The following TMEM132D variants were observed in gnomAD, a reference collection of about 807,000 sequenced individuals.
TMEM132D encodes the protein transmembrane protein 132D, also known as mature OL transmembrane protein.
Under a neutral mutation model 62.3 loss-of-function variants are expected in TMEM132D, and 21 were observed. The ratio of observed to expected loss-of-function variants is 0.34; its 90% CI spans 0.24 to 0.49. The LOEUF is 0.49. Among genes scored for constraint, TMEM132D ranks in the 20% least tolerant of loss-of-function variants. TMEM132D has a pLI of 0.99. For synonymous variants in TMEM132D, 621 were observed against 575.6 expected (o/e 1.08, Z -1.13); for missense variants, 1,346 against 1,402.8 (o/e 0.96, Z 0.65).
intron 3 of TMEM132D, among the ~76,000 whole-genome samples, chr12:129,469,227 C>T (rs148272047): frequency 2.0e-5 from 3 of 152,288 alleles, no homozygotes; most frequent in East Asian, 3.9e-4. Context: ...TTACTCACTC[C>T]TCGAATCAAG....
rs184919825 is a variant in TMEM132D at position 129,398,599 on chromosome 12, T to C, written c.1116-60782A>G. On this transcript the variant is annotated intron_variant, in intron 3 of 8. Coordinates refer to ENST00000422113, the MANE Select transcript of TMEM132D (RefSeq NM_133448.3). The stretch of plus-strand genomic sequence containing the variant: ...AAAGGAGGAGGGGGTTGGCTATGCA[T>C]GATGAGGATCACATCTTCACCTTAG... Among the ~76,000 whole-genome samples the C allele has an allele frequency of 2.0e-5, 3 of 152,200 alleles. 1 individual carries two copies. The highest frequency in any genetic ancestry group is 1.3e-4 in the Admixed American group (2 of 15,282).
chr12:129,092,911 C>T (rs1167098311), intron 5 of TMEM132D, among the ~76,000 whole-genome samples: 1 of 152,136 alleles, frequency 6.6e-6, no homozygotes, highest in Non-Finnish European at 1.5e-5. Flanking sequence ...CCACACTGGG[C>T]TAATCAGAGA....
chr12:129,170,255 C>T (rs964707773), intron 5 of TMEM132D: 7 of 152,278 alleles, frequency 4.6e-5, no homozygotes, highest in African/African-American at 1.4e-4. Context: ...AGCAAAGGTC[C>T]TTGGAGCAGA....
chr12:129,789,141 C>T (rs1871326895), intron 1 of TMEM132D, among the ~76,000 whole-genome samples: 1 of 152,110 alleles, frequency 6.6e-6, no homozygotes, highest in South Asian at 2.1e-4. Flanking sequence ...GCGGTGATTT[C>T]TGAGATTTGG....
chr12:129,372,288 C>G (rs1242175852), intron 3 of TMEM132D, among the ~76,000 whole-genome samples: 2 of 152,332 alleles, frequency 1.3e-5, no homozygotes, highest in Admixed American at 1.3e-4. Context: ...CAGGGGTCCC[C>G]AGTCTGTGCA....
At chr12:129,286,809 A>G (rs1881310636) in intron 4 of TMEM132D, among the ~76,000 whole-genome samples, 1 of 152,182 alleles carries the variant, frequency 6.6e-6, no homozygotes, top group Admixed American at 6.5e-5. Context: ...GCATGTCGGG[A>G]GGCCAAGGCA....
chr12:129,902,153 A>T (rs2137403837), intron 1 of TMEM132D, among the ~76,000 whole-genome samples: 1 of 152,310 alleles, frequency 6.6e-6, no homozygotes, highest in Non-Finnish European at 1.5e-5. Flanking sequence ...TTCATCTATT[A>T]TCAGATCCAA....
chr12:129,537,663 C>G (rs1876436298), intron 2 of TMEM132D, among the ~76,000 whole-genome samples: 1 of 152,156 alleles, frequency 6.6e-6, no homozygotes, highest in South Asian at 2.1e-4. Context: ...AACTGTGAGG[C>G]ATTACAAGGG....
chr12:129,370,402 C>T (rs1870555979), intron 3 of TMEM132D, among the ~76,000 whole-genome samples: 1 of 152,224 alleles, frequency 6.6e-6, no homozygotes, highest in Non-Finnish European at 1.5e-5. Flanking sequence ...TGCTCCTTCA[C>T]TCTATAGTGG....
At chr12:129,437,846 C>T (rs1378102742) in intron 3 of TMEM132D, among the ~76,000 whole-genome samples, 6 of 151,482 alleles carry the variant, frequency 4.0e-5, no homozygotes, top group East Asian at 2.0e-4. Context: ...CCCATCAACC[C>T]GTCATCTACA....
intron 4 of TMEM132D, among the ~76,000 whole-genome samples, chr12:129,289,298 C>T (rs962601114): frequency 1.3e-5 from 2 of 152,074 alleles, no homozygotes; most frequent in African/African-American, 2.4e-5. Context: ...AATCCCAGCA[C>T]TTTGGGAGGC....
At chr12:129,418,340 A>G (rs947379943) in intron 3 of TMEM132D, among the ~76,000 whole-genome samples, 4 of 152,250 alleles carry the variant, frequency 2.6e-5, no homozygotes, top group African/African-American at 7.2e-5. Flanking sequence ...GACTGGATAA[A>G]AAAAAGTGAC....
chr12:129,338,976 G>C (rs1286697349), intron 3 of TMEM132D, among the ~76,000 whole-genome samples: 3 of 152,044 alleles, frequency 2.0e-5, no homozygotes, highest in Non-Finnish European at 4.4e-5. Flanking sequence ...GACAGACAGA[G>C]AGAGAGAAAG....
intron 1 of TMEM132D, among the ~76,000 whole-genome samples, chr12:129,889,435 TGAA>T (rs1345492463): frequency 2.8e-4 from 43 of 152,218 alleles, no homozygotes; most frequent in African/African-American, 1.0e-3. Flanking sequence ...GGACTCTGAG[TGAA>T]CAACAAATGA....
intron 3 of TMEM132D, among the ~76,000 whole-genome samples, chr12:129,468,565 ATTT>A (rs5801856): frequency 6.6e-6 from 1 of 151,924 alleles, no homozygotes; most frequent in Non-Finnish European, 1.5e-5. Flanking sequence ...AGTCAATAAG[ATTT>A]TTTTTTTTGT....
intron 1 of TMEM132D, among the ~76,000 whole-genome samples, chr12:129,710,633 T>C (rs1881618312): frequency 6.6e-6 from 1 of 152,194 alleles, no homozygotes; most frequent in Non-Finnish European, 1.5e-5. Context: ...AAAATATCTC[T>C]TGCCTATTTA....
intron 3 of TMEM132D, among the ~76,000 whole-genome samples, chr12:129,529,767 A>C (rs1876161862): frequency 6.6e-6 from 1 of 152,186 alleles, no homozygotes; most frequent in Non-Finnish European, 1.5e-5. Flanking sequence ...CCATCCGTCT[A>C]CCCATCCGTC....
chr12:129,077,739 GCATA>G (rs1473091886), intron 8 of TMEM132D, among the ~76,000 whole-genome samples: 1 of 151,688 alleles, frequency 6.6e-6, no homozygotes, highest in African/African-American at 2.4e-5. Context: ...CACATGCAAT[GCATA>G]CATACAACAC....
At chr12:129,622,554 C>T (rs1212937454) in intron 2 of TMEM132D, among the ~76,000 whole-genome samples, 1 of 152,190 alleles carries the variant, frequency 6.6e-6, no homozygotes, top group East Asian at 1.9e-4. Context: ...GGTCACCACT[C>T]ACCTCCCCCA....
Sources: allele counts gnomAD v4.1 joint callset (sites outside exome capture counted in the v4.1 genomes callset), GRCh38; gene constraint gnomAD v4.1.1; transcripts MANE v1.5; gene names NCBI Gene and HGNC (gene_info 2026-07-23, HGNC 2026-07-21).